Variants in MYH8 observed in about 807,000 individuals in gnomAD.
MYH8 encodes myosin heavy chain 8, also known as myosin-8.
Under a neutral mutation model 233.2 loss-of-function variants are expected in MYH8, and 168 were observed. The ratio of observed to expected loss-of-function variants is 0.72; its 90% CI spans 0.64 to 0.82. The LOEUF is 0.82. Among genes scored for constraint, MYH8 ranks in the 40% least tolerant of loss-of-function variants. The probability of loss-of-function intolerance (pLI) is 0.00; values close to 1 mark genes in which losing one functional copy is unlikely to be tolerated. For missense variants in MYH8, 1,995 were observed against 2,327.8 expected, an observed-to-expected ratio of 0.86 and a Z score of 2.94; for synonymous variants, 785 against 850.6, an observed-to-expected ratio of 0.92 and a Z score of 1.34.
intron 12 of MYH8, among the ~76,000 whole-genome samples, chr17:10,413,690 GGTTT>G (rs971947653): frequency 2.6e-5 from 4 of 152,192 alleles, no homozygotes; most frequent in African/African-American, 9.6e-5. Context: ...TGGCTATTGG[GGTTT>G]GTTTGTGACT....
At position 10,401,157 on chromosome 17, in the gene MYH8, C is replaced by T. The variant is rs773112769; in HGVS notation, c.3143G>A (p.Arg1048Gln). Residue 1048 changes from arginine (R) to glutamine (Q), a missense_variant, in exon 25 of 40, where the codon CGA becomes CAA. Physicochemically the swap from Arg to Gln is conservative, Grantham distance 43 (BLOSUM62 1). Transcript: ENST00000403437. ...CCGCTTTGCTCTTTCTAGATCCATT[C>T]GAAGCTTCTTTTCTTGTTCCAGAGA... ...EGSLEQEKKL[R>Q]MDLERAKRKL... 12 of 1,613,664 alleles carry T rather than the reference C, an allele frequency of 7.4e-6. No individual in the cohort carries two copies. Among genetic ancestry groups the T allele is most frequent in the East Asian group, 4.5e-5 (2 of 44,876 alleles).
chr17:10,404,589 C>G lies in MYH8; in HGVS notation c.2433-4G>C, dbSNP rs545668939. On this transcript the variant is annotated splice_region_variant and splice_polypyrimidine_tract_variant and intron_variant, in intron 21 of 39. Coordinates refer to ENST00000403437, the MANE Select transcript of MYH8 (RefSeq NM_002472.3). ...CTGGATGCAGAAAAGTGCTTCTCTG[C>G]GATGACATGAAAATATCAGTGTAGA... 12 of 1,613,132 alleles carry G rather than the reference C, an allele frequency of 7.4e-6. No homozygotes were observed. The highest frequency in any genetic ancestry group is 1.0e-5 in the Non-Finnish European group (12 of 1,179,410).
intron 27 of MYH8, 44 bp from the exon 28 acceptor site, chr17:10,399,713 A>G (rs773371946): frequency 6.2e-7 from 1 of 1,611,578 alleles, no homozygotes; most frequent in Non-Finnish European, 8.5e-7. Context: ...TGAATGCAAT[A>G]AAAAGGTTAA....
intron 12 of MYH8, among the ~76,000 whole-genome samples, chr17:10,413,338 C>A (rs1033641553): frequency 2.0e-5 from 3 of 152,164 alleles, no homozygotes; most frequent in Non-Finnish European, 4.4e-5. Flanking sequence ...CTTTAAGGAG[C>A]GATAACTGTC....
At chr17:10,414,989 C>T (rs746279010) in intron 9 of MYH8, 127 bp downstream of exon 9, 609 of 865,516 alleles carry the variant, frequency 7.0e-4, no homozygotes, top group Non-Finnish European at 1.1e-3. Context: ...CTAGCATTAG[C>T]TTACAGGCAG....
chr17:10,410,898 T>TG lies in MYH8; in HGVS notation c.1465dup (p.Gln489ProfsTer27), dbSNP rs748015747. 6.2e-7 allele frequency: 1 copy of TG among 1,614,104 alleles called. No homozygotes were observed. The highest frequency in any genetic ancestry group is 8.5e-7 in the Non-Finnish European group (1 of 1,180,000). On this transcript the variant is annotated frameshift_variant, in exon 15 of 40. Coordinates refer to ENST00000403437, the MANE Select transcript of MYH8 (RefSeq NM_002472.3). LOFTEE classifies it high-confidence loss of function. ...AAACATGTGGTGGTTGAAAAACTGT[T>TG]GCAGTTTCTCGTTGGTGAAGTTGAT... is the stretch of plus-strand genomic sequence containing the variant.
chr17:10,411,848 A>G (rs905236712), intron 14 of MYH8, among the ~76,000 whole-genome samples: 4 of 152,092 alleles, frequency 2.6e-5, no homozygotes, highest in African/African-American at 9.7e-5. Context: ...GTAATAATTT[A>G]CTCCTTTATT....
rs894313497 is a variant in MYH8, at chr17:10,401,853, C to T, written c.2689-68G>A. The T allele has an allele frequency of 1.6e-5, 26 of 1,592,576 alleles. No individual in the cohort carries two copies. In the East Asian group the frequency reaches 4.9e-4, roughly 30 times the overall value. On this transcript the variant is annotated intron_variant, in intron 22 of 39. Transcript: ENST00000403437. Reference sequence around the variant, plus strand: ...TTTGAAACTTGGTGTTTTTTTTGCGCAAAAATAATAGTGTTTTATTGAATT... The same window carrying T: ...TTTGAAACTTGGTGTTTTTTTTGCGTAAAAATAATAGTGTTTTATTGAATT...
At chr17:10,420,281 G>A (rs2072326202) in intron 2 of MYH8, 24 bp from the exon 3 acceptor site, 1 of 1,584,672 alleles carries the variant, frequency 6.3e-7, no homozygotes, top group Non-Finnish European at 8.6e-7. Flanking sequence ...AAACGGGAGA[G>A]AGAGATATAA....
chr17:10,404,143 C>T (rs1184168269), intron 22 of MYH8, among the ~76,000 whole-genome samples, 187 bp downstream of exon 22: 1 of 152,090 alleles, frequency 6.6e-6, no homozygotes, highest in Non-Finnish European at 1.5e-5. Flanking sequence ...TCAATCTTTC[C>T]TTTTCCCATT....
chr17:10,398,721 G>A (rs1248738571), intron 29 of MYH8, 47 bp downstream of exon 29: 1 of 1,613,436 alleles, frequency 6.2e-7, no homozygotes, highest in Non-Finnish European at 8.5e-7. Context: ...AGCCTAACTG[G>A]GCAGGTTTAG....
intron 39 of MYH8, among the ~76,000 whole-genome samples, chr17:10,391,217 G>T (rs1173177368): frequency 6.6e-6 from 1 of 152,218 alleles, no homozygotes; most frequent in African/African-American, 2.4e-5. Context: ...GTCAGGTGGG[G>T]TAAAAGATTG....
chr17:10,391,055 C>T (rs1032298096), intron 39 of MYH8, among the ~76,000 whole-genome samples: 1 of 152,134 alleles, frequency 6.6e-6, no homozygotes, highest in African/African-American at 2.4e-5. Context: ...CCTTTTCTTC[C>T]TATTTACTTC....
At chr17:10,394,979 T>C (rs966459452) in intron 34 of MYH8, among the ~76,000 whole-genome samples, 154 bp downstream of exon 34, 38 of 152,212 alleles carry the variant, frequency 2.5e-4, no homozygotes, top group African/African-American at 8.7e-4. Flanking sequence ...TTCTTAAAAA[T>C]AATATGTTCT....
Position 10,401,041 on chromosome 17 carries a change from C to T in MYH8, c.3254+5G>A, listed in dbSNP as rs772911417. 2.1e-5 allele frequency: 34 copies of T among 1,614,072 alleles called. No homozygotes were observed. The highest frequency in any genetic ancestry group is 2.8e-5 in the Non-Finnish European group (33 of 1,180,008). The stretch of plus-strand genomic sequence containing the variant: ...CATAGAAGTTTTTTTCTAAAAGGCT[C>T]CTACTTTTCAAGCTTTTCATCAAGT... On this transcript the variant is annotated splice_donor_5th_base_variant and intron_variant, in intron 25 of 39. Coordinates refer to ENST00000403437, the MANE Select transcript of MYH8 (RefSeq NM_002472.3).
At position 10,390,611 on chromosome 17, in the gene MYH8, T is replaced by C. The variant is rs898783186; in HGVS notation, c.5665-8A>G. 7 of 1,613,792 alleles carry C rather than the reference T, an allele frequency of 4.3e-6. No individual in the cohort carries two copies. The highest frequency in any genetic ancestry group is 1.7e-5 in the Admixed American group (1 of 60,030). Reference sequence around the variant, plus strand: ...AGCATTGGATTGTTCCTCCTAAGAATAGAGATAAAATTGTGAGAATTAGAC... The same window carrying C: ...AGCATTGGATTGTTCCTCCTAAGAACAGAGATAAAATTGTGAGAATTAGAC... On this transcript the variant is annotated splice_polypyrimidine_tract_variant and splice_region_variant and intron_variant, in intron 39 of 39. Coordinates refer to ENST00000403437, the MANE Select transcript of MYH8 (RefSeq NM_002472.3).
chr17:10,414,956 C>T (rs1370051001), intron 9 of MYH8, among the ~76,000 whole-genome samples, 160 bp downstream of exon 9: 1 of 152,180 alleles, frequency 6.6e-6, no homozygotes, highest in Non-Finnish European at 1.5e-5. Context: ...ATAAAGGGAG[C>T]ACTCAGTGGA....
At chr17:10,411,377 GA>G (rs35652449) in intron 14 of MYH8, among the ~76,000 whole-genome samples, 55,520 of 137,402 alleles carry the variant, frequency 0.4, 11,306 homozygotes, top group East Asian at 0.86. Context: ...CCCTGTCTCA[GA>G]AAAAAAAAAA....
intron 14 of MYH8, among the ~76,000 whole-genome samples, chr17:10,411,497 A>T (rs1203888723): frequency 1.3e-5 from 2 of 152,196 alleles, no homozygotes; most frequent in African/African-American, 4.8e-5. Flanking sequence ...TTTCTCCTCT[A>T]AGATTGCATG....
Sources: allele counts gnomAD v4.1 joint callset (sites outside exome capture counted in the v4.1 genomes callset), GRCh38; gene constraint gnomAD v4.1.1; transcripts MANE v1.5; gene names NCBI Gene and HGNC (gene_info 2026-07-23, HGNC 2026-07-21).